The following RPP14 variants were observed in gnomAD, a reference collection of about 807,000 sequenced individuals.
The protein encoded by RPP14 is ribonuclease P/MRP subunit p14.
Under a neutral mutation model 17.8 loss-of-function variants are expected in RPP14, and 19 were observed. The ratio of observed to expected loss-of-function variants is 1.07; its 90% CI spans 0.74 to 1.57. The LOEUF (loss-of-function observed/expected upper bound fraction) is 1.57. Among genes scored for constraint, RPP14 ranks in the 40% most tolerant of loss-of-function variants. The pLI is 0.00. For missense variants in RPP14, 125 were observed against 140.8 expected, an observed-to-expected ratio of 0.89 and a Z score of 0.57; for synonymous variants, 60 against 56.4, an observed-to-expected ratio of 1.06 and a Z score of -0.29.
intron 3 of RPP14, among the ~76,000 whole-genome samples, chr3:58,312,029 C>T (rs868845909): frequency 2.6e-5 from 4 of 152,008 alleles, no homozygotes; most frequent in South Asian, 2.1e-4. Flanking sequence ...TGTGCCACCA[C>T]GCCAATTTTT....
rs751456439 is a variant in RPP14, at chr3:58,310,374, C to G, written c.45C>G (p.Asn15Lys). 6.2e-7 allele frequency: 1 copy of G among 1,614,060 alleles called. No homozygotes were observed. The highest frequency in any genetic ancestry group is 8.5e-7 in the Non-Finnish European group (1 of 1,180,034). Residue 15 changes from asparagine to lysine, a missense_variant, in exon 2 of 6, where the codon AAC (asparagine) becomes AAG (lysine). Asn to Lys is a moderately conservative substitution (Grantham distance 94). Transcript: ENST00000295959. ...AATYERVVYKNPSEYHYMKVC... is the reference protein window; with the variant it reads ...AATYERVVYKKPSEYHYMKVC... ...CATATGAAAGAGTAGTTTACAAAAA[C>G]CCTTCCGAGTACCACTACATGAAAG...
At chr3:58,312,607 A>G (rs2097483532) in intron 3 of RPP14, among the ~76,000 whole-genome samples, 1 of 152,086 alleles carries the variant, frequency 6.6e-6, no homozygotes, top group African/African-American at 2.4e-5. Context: ...TGGCACCTGC[A>G]AACTCTTTTC....
intron 1 of RPP14, among the ~76,000 whole-genome samples, chr3:58,306,932 A>T (rs1171134428): frequency 6.6e-6 from 1 of 152,210 alleles, no homozygotes; most frequent in Non-Finnish European, 1.5e-5. Flanking sequence ...AGAAGAAAGC[A>T]GGGACGGGGC....
At chr3:58,313,713 T>C (rs879821308) in intron 3 of RPP14, among the ~76,000 whole-genome samples, 6 of 152,250 alleles carry the variant, frequency 3.9e-5, no homozygotes, top group Admixed American at 3.9e-4. Flanking sequence ...TAGTCCCAAC[T>C]AGTCAGGAGG....
chr3:58,317,014 T>C (rs1465588614), intron 5 of RPP14, 21 bp downstream of exon 5: 2 of 1,574,384 alleles, frequency 1.3e-6, no homozygotes, highest in Non-Finnish European at 1.7e-6. Flanking sequence ...TTCCCTCACA[T>C]ATTCCAAACA....
intron 3 of RPP14, among the ~76,000 whole-genome samples, chr3:58,314,677 T>A (rs1183980261): frequency 1.9e-3 from 126 of 65,674 alleles, no homozygotes; most frequent in African/African-American, 0.01. Flanking sequence ...TTGGCAGTAT[T>A]TTTTTTTTTT....
chr3:58,307,056 T>G (rs546336321), intron 1 of RPP14, among the ~76,000 whole-genome samples: 13 of 152,096 alleles, frequency 8.5e-5, no homozygotes, highest in Non-Finnish European at 1.6e-4. Context: ...TGGAGGAAGA[T>G]CTTTCCCAGC....
intron 4 of RPP14, 28 bp from the exon 5 acceptor site, chr3:58,316,887 A>T: frequency 6.4e-7 from 1 of 1,565,950 alleles, no homozygotes. Flanking sequence ...TCTATGACAC[A>T]CTATGTATTT....
chr3:58,315,370 G>A (rs1487940605), intron 3 of RPP14, among the ~76,000 whole-genome samples: 2 of 152,090 alleles, frequency 1.3e-5, no homozygotes, highest in Non-Finnish European at 2.9e-5. Flanking sequence ...TGGTTGCTGG[G>A]GTGAGGAGTA....
At chr3:58,309,870 C>G (rs188908638) in intron 1 of RPP14, among the ~76,000 whole-genome samples, 1 of 151,348 alleles carries the variant, frequency 6.6e-6, no homozygotes, top group Non-Finnish European at 1.5e-5. Context: ...CCAGCCTGGG[C>G]GACAGAGCAA....
At position 58,310,567 on chromosome 3, in the gene RPP14, G is replaced by T. The variant is rs367585259; in HGVS notation, c.138G>T (p.Ser46=). 1.9e-6 allele frequency: 3 copies of T among 1,612,202 alleles called. No individual in the cohort carries two copies. The highest frequency in any genetic ancestry group is 2.2e-5 in the East Asian group (1 of 44,854). Residue 46 remains serine (S), a synonymous_variant, in exon 3 of 6, where the codon TCG becomes TCT. Transcript: ENST00000295959. Reference sequence around the variant, plus strand: ...CACAGTTCAAACAGCTGCTTATTTCGGCTGTGAAGGACCTGTTTGGGGAGG... The same window carrying T: ...CACAGTTCAAACAGCTGCTTATTTCTGCTGTGAAGGACCTGTTTGGGGAGG... The part of the protein sequence containing the change: ...NAAQFKQLLI[S]AVKDLFGEVD...
At chr3:58,314,211 C>T (rs1171655265) in intron 3 of RPP14, among the ~76,000 whole-genome samples, 1 of 152,090 alleles carries the variant, frequency 6.6e-6, no homozygotes, top group Non-Finnish European at 1.5e-5. Context: ...ACTAGCCGGG[C>T]GTGGTGGCAC....
chr3:58,309,774 C>A (rs2107500083), intron 1 of RPP14, among the ~76,000 whole-genome samples: 1 of 152,248 alleles, frequency 6.6e-6, no homozygotes, highest in Non-Finnish European at 1.5e-5. Context: ...TTCCTATAAT[C>A]CCAGCTACTC....
intron 4 of RPP14, 134 bp from the exon 5 acceptor site, chr3:58,316,777 ACGAT>A (rs1358571216): frequency 2.3e-6 from 2 of 884,108 alleles, no homozygotes; most frequent in African/African-American, 3.4e-5. Flanking sequence ...GGCAAAACTT[ACGAT>A]TTGGTTACAG....
intron 1 of RPP14, among the ~76,000 whole-genome samples, chr3:58,307,026 G>A (rs2097475965): frequency 6.6e-6 from 1 of 152,262 alleles, no homozygotes; most frequent in Non-Finnish European, 1.5e-5. Flanking sequence ...GGGGGCAAGG[G>A]TGTGAGTCCG....
chr3:58,312,703 A>G (rs910307828), intron 3 of RPP14, among the ~76,000 whole-genome samples: 1 of 152,008 alleles, frequency 6.6e-6, no homozygotes, highest in Non-Finnish European at 1.5e-5. Flanking sequence ...GCTCACTCCT[A>G]TAATCCCAGC....
chr3:58,312,877 C>T (rs2097483808), intron 3 of RPP14, among the ~76,000 whole-genome samples: 1 of 148,242 alleles, frequency 6.7e-6, no homozygotes, highest in South Asian at 2.1e-4. Flanking sequence ...AGGAGAATTG[C>T]TTGAACCTGG....
In RPP14 at chr3:58,310,368, C is replaced by T. The variant is rs1437911674; in HGVS notation, c.39C>T (p.Tyr13=). 5.0e-6 allele frequency: 8 copies of T among 1,614,148 alleles called. No individual in the cohort carries two copies. The highest frequency in any genetic ancestry group is 5.9e-6 in the Non-Finnish European group (7 of 1,180,016). Residue 13 remains tyrosine, a synonymous_variant, in exon 2 of 6, where the codon TAC becomes TAT. Coordinates refer to ENST00000295959, the MANE Select transcript of RPP14 (RefSeq NM_007042.6). ...APAATYERVV[Y]KNPSEYHYMK... ...CTGCCACATATGAAAGAGTAGTTTA[C>T]AAAAACCCTTCCGAGTACCACTACA...
At position 58,314,176 on chromosome 3, in the gene RPP14, C is replaced by T. The variant is rs976775806; in HGVS notation, c.163-2339C>T. ...GACCATCCTGGCCAACATGGCAAAA[C>T]CCTGTCTCTGCTAAAGCTATAAAAA... On this transcript the variant is annotated intron_variant, in intron 3 of 5. Transcript: ENST00000295959. Among the ~76,000 whole-genome samples, 61 of 152,030 alleles carry T rather than the reference C, an allele frequency of 4.0e-4. 1 individual carries two copies. The highest frequency in any genetic ancestry group is 1.4e-3 in the African/African-American group (60 of 41,458).
Sources: allele counts gnomAD v4.1 joint callset (sites outside exome capture counted in the v4.1 genomes callset), GRCh38; gene constraint gnomAD v4.1.1; transcripts MANE v1.5; gene names NCBI Gene and HGNC (gene_info 2026-07-23, HGNC 2026-07-21).